CSRNP3: variants seen among roughly 807,000 people sequenced by gnomAD.
The protein encoded by CSRNP3 is cysteine and serine rich nuclear protein 3.
A neutral mutation model predicts 48.0 loss-of-function variants in CSRNP3; 12 were observed. The ratio of observed to expected loss-of-function variants is 0.25; its 90% CI spans 0.16 to 0.41. The LOEUF is 0.41. CSRNP3 is among the 10% of genes least tolerant of loss of function. The pLI is 1.00. For synonymous variants in CSRNP3, 263 were observed against 269.7 expected (o/e 0.98, Z 0.24); for missense variants, 580 against 724.4 (o/e 0.80, Z 2.29).
intron 3 of CSRNP3, among the ~76,000 whole-genome samples, chr2:165,583,442 C>T: frequency 6.6e-6 from 1 of 152,130 alleles, no homozygotes; most frequent in East Asian, 1.9e-4. Flanking sequence ...ATTGTAGTTA[C>T]CATCTGTGAT....
Position 165,595,046 on chromosome 2 carries a change from C to A in CSRNP3, c.-20C>A. 1 of 1,613,500 alleles carries A rather than the reference C, an allele frequency of 6.2e-7. No individual in the cohort carries two copies. ...GTTGCTCTCCTTCCTGTTACAGGTA[C>A]ATGTGACAGCACTGCAGCGATGAGT... On this transcript the variant is annotated 5_prime_UTR_variant, in exon 4 of 7. Transcript: ENST00000651982.
chr2:165,501,797 T>A (rs1359298986), intron 2 of CSRNP3, among the ~76,000 whole-genome samples: 1 of 152,102 alleles, frequency 6.6e-6, no homozygotes, highest in Non-Finnish European at 1.5e-5. Context: ...TTAAATACAA[T>A]TAGGGTCTCC....
At chr2:165,541,645 A>T (rs993060453) in intron 3 of CSRNP3, among the ~76,000 whole-genome samples, 1 of 152,106 alleles carries the variant, frequency 6.6e-6, no homozygotes, top group Admixed American at 6.6e-5. Flanking sequence ...GAGAACACAA[A>T]TCTAAATGCA....
chr2:165,609,979 T>C (rs187680348), intron 4 of CSRNP3, among the ~76,000 whole-genome samples: 49 of 152,288 alleles, frequency 3.2e-4, no homozygotes, highest in African/African-American at 1.1e-3. Context: ...TCCTAAAATA[T>C]CATGAGTCGA....
chr2:165,515,336 T>A (rs1436728437), intron 2 of CSRNP3, among the ~76,000 whole-genome samples: 14 of 121,766 alleles, frequency 1.1e-4, no homozygotes, highest in East Asian at 4.9e-4. Flanking sequence ...AAAAAAAAAA[T>A]ACATATATAT....
chr2:165,525,085 C>T (rs1684715310), intron 3 of CSRNP3, among the ~76,000 whole-genome samples: 1 of 152,196 alleles, frequency 6.6e-6, no homozygotes, highest in Admixed American at 6.5e-5. Flanking sequence ...TTCACTGACA[C>T]TTGGTATTAT....
intron 5 of CSRNP3, among the ~76,000 whole-genome samples, chr2:165,666,093 G>T (rs1687190147): frequency 7.5e-6 from 1 of 132,486 alleles, no homozygotes; most frequent in Non-Finnish European, 1.6e-5. Flanking sequence ...AGGAAGGAAG[G>T]AGAGAGAGGA....
chr2:165,651,050 G>T (rs1350768314), intron 4 of CSRNP3, among the ~76,000 whole-genome samples: 1 of 152,240 alleles, frequency 6.6e-6, no homozygotes, highest in African/African-American at 2.4e-5. Flanking sequence ...TGTACTTAAA[G>T]AGGATGACCA....
At chr2:165,522,736 A>G (rs909544013) in intron 3 of CSRNP3, among the ~76,000 whole-genome samples, 5 of 151,994 alleles carry the variant, frequency 3.3e-5, no homozygotes, top group African/African-American at 1.2e-4. Flanking sequence ...TAATAATTCC[A>G]TGTTCTGCTA....
chr2:165,489,912 G>A (rs1446543013), intron 1 of CSRNP3, among the ~76,000 whole-genome samples: 2,150 of 142,958 alleles, frequency 0.015, 44 homozygotes, highest in African/African-American at 0.053. Flanking sequence ...CTCTCTCACC[G>A]CTCCTATTCA....
chr2:165,635,853 C>A (rs1230616772), intron 4 of CSRNP3, among the ~76,000 whole-genome samples: 1 of 152,078 alleles, frequency 6.6e-6, no homozygotes, highest in Admixed American at 6.6e-5. Flanking sequence ...AAACATGCAA[C>A]TTTCCCTCCA....
At position 165,657,744 on chromosome 2, in the gene CSRNP3, G is replaced by A. The variant is rs1346609278; in HGVS notation, c.149-17G>A. The A allele has an allele frequency of 2.5e-6, 4 of 1,611,468 alleles. No individual in the cohort carries two copies. The highest frequency in any genetic ancestry group is 2.5e-6 in the Non-Finnish European group (3 of 1,177,810). ...TGCTGCCCCAAGTGTTCACAGGATT[G>A]TTTCTTTCTCTTTCAGCTTCCTCCA... On this transcript the variant is annotated splice_polypyrimidine_tract_variant and intron_variant, in intron 4 of 6. Transcript: ENST00000651982.
chr2:165,553,884 C>T (rs925461243), intron 3 of CSRNP3, among the ~76,000 whole-genome samples: 1 of 152,084 alleles, frequency 6.6e-6, no homozygotes, highest in Non-Finnish European at 1.5e-5. Context: ...AAAAAATTTA[C>T]AAATGAAAAG....
At chr2:165,676,151 C>G (rs1163754178) in intron 5 of CSRNP3, among the ~76,000 whole-genome samples, 161 bp from the exon 6 acceptor site, 1 of 152,072 alleles carries the variant, frequency 6.6e-6, no homozygotes, top group African/African-American at 2.4e-5. Context: ...CTTTATTTTT[C>G]TTTCTGTGAT....
At chr2:165,635,606 AC>A (rs1686614525) in intron 4 of CSRNP3, among the ~76,000 whole-genome samples, 1 of 152,092 alleles carries the variant, frequency 6.6e-6, no homozygotes, top group South Asian at 2.1e-4. Context: ...AAATGTCGAT[AC>A]CCTATTTTAT....
chr2:165,667,457 A>C (rs947852764), intron 5 of CSRNP3, among the ~76,000 whole-genome samples: 1 of 152,122 alleles, frequency 6.6e-6, no homozygotes, highest in African/African-American at 2.4e-5. Context: ...TTTTTAAAAA[A>C]AATTGTTCTC....
intron 4 of CSRNP3, among the ~76,000 whole-genome samples, chr2:165,652,730 G>T (rs1036866201): frequency 6.6e-6 from 1 of 152,004 alleles, no homozygotes; most frequent in African/African-American, 2.4e-5. Flanking sequence ...TTTTGGCAGA[G>T]ATGGGGTTTC....
At chr2:165,556,988 T>C (rs1685167828) in intron 3 of CSRNP3, among the ~76,000 whole-genome samples, 1 of 152,146 alleles carries the variant, frequency 6.6e-6, no homozygotes, top group Non-Finnish European at 1.5e-5. Context: ...ATATCTTTAA[T>C]ATTCTCCTCA....
intron 3 of CSRNP3, among the ~76,000 whole-genome samples, chr2:165,545,931 CTA>C (rs1161333577): frequency 6.6e-6 from 1 of 152,044 alleles, no homozygotes. Context: ...GCTAAACACT[CTA>C]TAATGCAGAA....
Sources: gnomAD v4.1 joint callset for allele counts (sites outside exome capture counted in the v4.1 genomes callset) on GRCh38, gnomAD v4.1.1 for gene constraint, MANE v1.5 for transcripts, NCBI Gene and HGNC (gene_info 2026-07-23, HGNC 2026-07-21) for gene names.